Variants in BMPR2 observed in about 807,000 individuals in gnomAD.
The protein encoded by BMPR2 is bone morphogenetic protein receptor type-2.
A neutral mutation model predicts 100.8 loss-of-function variants in BMPR2; 29 were observed. That is an observed-to-expected ratio of 0.29 (90% CI 0.21 to 0.39). The LOEUF (loss-of-function observed/expected upper bound fraction) is 0.39, where lower values mean the gene tolerates loss of function less well. Ranked by LOEUF, BMPR2 falls within the 10% of genes least tolerant of loss-of-function variation. BMPR2 has a pLI of 1.00. For synonymous variants in BMPR2, 382 were observed against 442.3 expected (o/e 0.86, Z 1.71); for missense variants, 1,011 against 1,274.5 (o/e 0.79, Z 3.15).
chr2:202,394,405 A>G (rs986184162), intron 1 of BMPR2, among the ~76,000 whole-genome samples: 26 of 151,992 alleles, frequency 1.7e-4, no homozygotes, highest in Non-Finnish European at 7.4e-5. Context: ...AATAACTGAC[A>G]TTCATAAAAT....
chr2:202,452,098 C>T (rs1400920314), intron 1 of BMPR2, among the ~76,000 whole-genome samples: 1 of 152,068 alleles, frequency 6.6e-6, no homozygotes, highest in Non-Finnish European at 1.5e-5. Context: ...TGAAACTCCC[C>T]ACCATACTCA....
At chr2:202,421,071 G>A (rs1691252560) in intron 1 of BMPR2, among the ~76,000 whole-genome samples, 1 of 150,206 alleles carries the variant, frequency 6.7e-6, no homozygotes. Context: ...CCAACATGGT[G>A]AAACCCCGTC....
rs771255805 is a variant in BMPR2 at position 202,376,542 on chromosome 2, G to GGCGGCGGCGGCGGCAGCAGCA, written c.-928_-927insGGCGGCGGCAGCAGCAGCGGC. 7.1e-6 allele frequency among the ~76,000 whole-genome samples: 1 copy of GGCGGCGGCGGCGGCAGCAGCA among 141,414 alleles called. No homozygotes were observed. Among genetic ancestry groups the GGCGGCGGCGGCGGCAGCAGCA allele is most frequent in the African/African-American group, 2.6e-5 (1 of 38,330 alleles). 92.8% of individuals were successfully genotyped at this position (141,414 alleles called of 152,430 possible). A position where few individuals can be genotyped will look rare whatever the true frequency, so the allele number is the denominator to read the frequency against. ...CGGCGGCGGCGGCGGCGGCGGCGGC[G>GGCGGCGGCGGCGGCAGCAGCA]GCGGCAGCAGCAGCGGCTTCCTCGG... On this transcript the variant is annotated 5_prime_UTR_variant, in exon 1 of 13. Transcript: ENST00000374580.
intron 3 of BMPR2, among the ~76,000 whole-genome samples, chr2:202,484,478 T>G (rs530676002): frequency 1.5e-4 from 22 of 150,362 alleles, no homozygotes; most frequent in African/African-American, 5.1e-4. Context: ...ATCGAGACCA[T>G]CCTGGCTAAC....
At chr2:202,394,286 G>A (rs942864814) in intron 1 of BMPR2, among the ~76,000 whole-genome samples, 1 of 151,966 alleles carries the variant, frequency 6.6e-6, no homozygotes, top group African/African-American at 2.4e-5. Flanking sequence ...GGAAGGCGGA[G>A]GTTGCAGTGA....
In BMPR2 at chr2:202,458,283, C is replaced by CAAAAAAAAA. The variant is rs71035009; in HGVS notation, c.77-6509_77-6501dup. 1.2e-3 allele frequency among the ~76,000 whole-genome samples: 65 copies of CAAAAAAAAA among 52,308 alleles called. 1 individual carries two copies. The highest frequency in any genetic ancestry group is 2.0e-3 in the African/African-American group (27 of 13,334). The allele number at this position is 52,308 out of a possible 152,430, so 34.3% of individuals were successfully genotyped here. Reference sequence around the variant, plus strand: ...GCAACATAGCAAGACCTTGTCTCTGCAAAAAAAAAAAAAAAAAAAAAAAAA... The same window carrying CAAAAAAAAA: ...GCAACATAGCAAGACCTTGTCTCTGCAAAAAAAAAAAAAAAAAAAAAAAAAAAAAAAAAA... On this transcript the variant is annotated intron_variant, in intron 1 of 12. Coordinates refer to ENST00000374580, the MANE Select transcript of BMPR2 (RefSeq NM_001204.7).
chr2:202,457,559 TATAGAGAGAGAGAGAG>T (rs1284944060), intron 1 of BMPR2, among the ~76,000 whole-genome samples: 4 of 89,074 alleles, frequency 4.5e-5, no homozygotes, highest in Middle Eastern at 8.8e-3. Flanking sequence ...TATATATATA[TATAGAGAGAGAGAGAG>T]AGAGAGAGAG....
At chr2:202,481,928 C>T (rs1692668329) in intron 3 of BMPR2, among the ~76,000 whole-genome samples, 1 of 152,154 alleles carries the variant, frequency 6.6e-6, no homozygotes, top group South Asian at 2.1e-4. Context: ...GACCAATCTC[C>T]AGAACTCTTC....
chr2:202,412,257 A>G (rs1691027110), intron 1 of BMPR2, among the ~76,000 whole-genome samples: 4 of 152,204 alleles, frequency 2.6e-5, no homozygotes, highest in African/African-American at 9.7e-5. Context: ...AAGTCACCAA[A>G]AAACAAACAA....
At chr2:202,398,209 G>A (rs1163971283) in intron 1 of BMPR2, among the ~76,000 whole-genome samples, 1 of 151,046 alleles carries the variant, frequency 6.6e-6, no homozygotes, top group African/African-American at 2.4e-5. Flanking sequence ...TCTTATTACT[G>A]TGATCTACTT....
chr2:202,513,102 C>CT (rs1265686220), intron 3 of BMPR2, among the ~76,000 whole-genome samples: 2 of 151,776 alleles, frequency 1.3e-5, no homozygotes, highest in Non-Finnish European at 1.5e-5. Context: ...GTAGCTGGGA[C>CT]TACAGGTGCA....
chr2:202,396,094 C>T (rs774588348), intron 1 of BMPR2, among the ~76,000 whole-genome samples: 2 of 152,100 alleles, frequency 1.3e-5, no homozygotes, highest in Non-Finnish European at 1.5e-5. Flanking sequence ...TGATCCAGTC[C>T]TAAACAGGGA....
At chr2:202,484,155 C>CAA (rs1221285274) in intron 3 of BMPR2, among the ~76,000 whole-genome samples, 2 of 152,074 alleles carry the variant, frequency 1.3e-5, no homozygotes, top group Non-Finnish European at 2.9e-5. Context: ...ATGGTAAAGT[C>CAA]AAAAAATTTT....
At chr2:202,460,952 GCT>G (rs1692213810) in intron 1 of BMPR2, among the ~76,000 whole-genome samples, 1 of 151,722 alleles carries the variant, frequency 6.6e-6, no homozygotes, top group South Asian at 2.1e-4. Flanking sequence ...CTGGGCTCCA[GCT>G]ATCCATCTGC....
chr2:202,404,303 TGCCTCA>T (rs903603539), intron 1 of BMPR2, among the ~76,000 whole-genome samples: 6 of 149,832 alleles, frequency 4.0e-5, no homozygotes, highest in Admixed American at 3.3e-4. Flanking sequence ...GCAATTCTCC[TGCCTCA>T]GCCTCCCAAG....
chr2:202,541,373 GAGCTATGAT>G (rs148118404), intron 9 of BMPR2, among the ~76,000 whole-genome samples: 5,625 of 152,200 alleles, frequency 0.037, 358 homozygotes, highest in African/African-American at 0.13. Flanking sequence ...AAGTTACAGT[GAGCTATGAT>G]AATGCCACCG....
chr2:202,478,244 A>G (rs539242527), intron 3 of BMPR2, among the ~76,000 whole-genome samples: 1 of 152,328 alleles, frequency 6.6e-6, no homozygotes, highest in South Asian at 2.1e-4. Context: ...AAAGAACAAG[A>G]AGGCTGTGAT....
At position 202,539,826 on chromosome 2, in the gene BMPR2, A is replaced by G. The variant is rs547447050; in HGVS notation, c.1277-2485A>G. On this transcript the variant is annotated intron_variant, in intron 9 of 12. Transcript: ENST00000374580. ...GTGGCACATGGGGTGAGAAGCAGGT[A>G]ATGGTATCTGATAGTGCTAGATATT... 9.2e-5 allele frequency among the ~76,000 whole-genome samples: 14 copies of G among 152,304 alleles called. 1 individual carries two copies. In the South Asian group the frequency reaches 2.9e-3, roughly 32 times the overall value.
chr2:202,475,021 T>A (rs1271135500), intron 3 of BMPR2: 1 of 152,208 alleles, frequency 6.6e-6, no homozygotes, highest in Non-Finnish European at 1.5e-5. Flanking sequence ...TTTAGAATGT[T>A]TCTTTCCAGT....
Sources: allele counts gnomAD v4.1 joint callset (sites outside exome capture counted in the v4.1 genomes callset), GRCh38; gene constraint gnomAD v4.1.1; transcripts MANE v1.5; gene names NCBI Gene and HGNC (gene_info 2026-07-23, HGNC 2026-07-21).